The following GPR39 variants were observed in gnomAD, a reference collection of about 807,000 sequenced individuals.
The protein encoded by GPR39 is G protein-coupled receptor 39.
In GPR39, 23 loss-of-function variants were observed where a neutral mutation model predicts 18.4. The observed-to-expected ratio is 1.25, with a 90% CI of 0.90 to 1.77. The LOEUF (loss-of-function observed/expected upper bound fraction) is 1.77, where lower values mean the gene tolerates loss of function less well. Among genes scored for constraint, GPR39 ranks in the 40% most tolerant of loss-of-function variants. GPR39 has a pLI of 0.00. For missense variants in GPR39, 647 were observed against 602.4 expected, an observed-to-expected ratio of 1.07 and a Z score of -0.78; for synonymous variants, 280 against 257.9, an observed-to-expected ratio of 1.09 and a Z score of -0.82.
At chr2:132,471,544 G>C (rs1681031317) in intron 1 of GPR39, among the ~76,000 whole-genome samples, 1 of 152,086 alleles carries the variant, frequency 6.6e-6, no homozygotes, top group African/African-American at 2.4e-5. Context: ...TCCATCACTT[G>C]GTTCCTGGGT....
chr2:132,539,348 T>TTC (rs1322954574), intron 1 of GPR39, among the ~76,000 whole-genome samples: 17 of 152,122 alleles, frequency 1.1e-4, no homozygotes, highest in African/African-American at 4.1e-4. Flanking sequence ...CTCACCCTGC[T>TTC]TCTGCTTGCT....
chr2:132,530,438 A>G (rs1679593826), intron 1 of GPR39, among the ~76,000 whole-genome samples: 1 of 152,238 alleles, frequency 6.6e-6, no homozygotes, highest in South Asian at 2.1e-4. Context: ...TCTGCAGGTT[A>G]TTATCCAGGA....
chr2:132,644,605 C>G (rs1232401466), intron 1 of GPR39, among the ~76,000 whole-genome samples: 1 of 152,184 alleles, frequency 6.6e-6, no homozygotes, highest in Non-Finnish European at 1.5e-5. Flanking sequence ...AAATATGCTG[C>G]TTTGTTGCCA....
intron 1 of GPR39, among the ~76,000 whole-genome samples, chr2:132,492,086 CCA>C (rs1195561027): frequency 6.7e-6 from 1 of 149,376 alleles, no homozygotes; most frequent in African/African-American, 2.5e-5. Flanking sequence ...TATATACACA[CCA>C]CATATATATA....
chr2:132,526,998 T>G (rs1679526497), intron 1 of GPR39, among the ~76,000 whole-genome samples: 1 of 152,202 alleles, frequency 6.6e-6, no homozygotes, highest in African/African-American at 2.4e-5. Context: ...GTTTATTACC[T>G]AAGTATACAT....
intron 1 of GPR39, among the ~76,000 whole-genome samples, chr2:132,526,668 C>T (rs1679520482): frequency 6.6e-6 from 1 of 152,204 alleles, no homozygotes; most frequent in African/African-American, 2.4e-5. Flanking sequence ...CACCTGCATA[C>T]TCTGGACTTT....
chr2:132,550,522 T>C (rs1375340605), intron 1 of GPR39, among the ~76,000 whole-genome samples: 1 of 152,244 alleles, frequency 6.6e-6, no homozygotes, highest in Non-Finnish European at 1.5e-5. Context: ...CATATGGCTT[T>C]GTCCTTTCAA....
intron 1 of GPR39, among the ~76,000 whole-genome samples, chr2:132,619,935 A>G (rs1228026960): frequency 6.6e-6 from 1 of 151,802 alleles, no homozygotes; most frequent in Non-Finnish European, 1.5e-5. Context: ...AACCTGCCCT[A>G]GCTCTCTGAA....
At chr2:132,554,900 T>A (rs1382344528) in intron 1 of GPR39, among the ~76,000 whole-genome samples, 1 of 152,152 alleles carries the variant, frequency 6.6e-6, no homozygotes, top group South Asian at 2.1e-4. Context: ...TCATACGTGT[T>A]TGTACCGTTC....
At chr2:132,519,594 C>T (rs559542028) in intron 1 of GPR39, among the ~76,000 whole-genome samples, 118 of 152,252 alleles carry the variant, frequency 7.8e-4, no homozygotes, top group Non-Finnish European at 1.3e-3. Flanking sequence ...GTCTGGAGCT[C>T]GGGGTTCTCA....
chr2:132,536,635 G>C (rs1194991579), intron 1 of GPR39, among the ~76,000 whole-genome samples: 1 of 152,176 alleles, frequency 6.6e-6, no homozygotes, highest in African/African-American at 2.4e-5. Context: ...TTAATTTTCT[G>C]TTTTGTTGAT....
rs552991788 is a variant in GPR39, at chr2:132,638,367, T to G, written c.857-6734T>G. ...GGGGCTCCACCTCAATTTATGCTTC[T>G]CTTAGACCAGTGTTCTCCAACTTGT... On this transcript the variant is annotated intron_variant, in intron 1 of 1. Transcript: ENST00000329321. 1.1e-4 allele frequency among the ~76,000 whole-genome samples: 16 copies of G among 152,322 alleles called. No individual in the cohort carries two copies. The South Asian group carries it at 3.3e-3, about 32-fold the overall frequency.
chr2:132,587,595 G>C (rs75842525), intron 1 of GPR39, among the ~76,000 whole-genome samples: 1 of 151,992 alleles, frequency 6.6e-6, no homozygotes, highest in Non-Finnish European at 1.5e-5. Context: ...GCGGTAGTGC[G>C]ATCTCAGCTC....
chr2:132,535,310 C>CT (rs2104779915), intron 1 of GPR39, among the ~76,000 whole-genome samples: 1 of 152,286 alleles, frequency 6.6e-6, no homozygotes, highest in East Asian at 1.9e-4. Flanking sequence ...TTTTCTGCAT[C>CT]TGTTGGGATA....
chr2:132,620,728 GA>G (rs753100118), intron 1 of GPR39, among the ~76,000 whole-genome samples: 2 of 152,042 alleles, frequency 1.3e-5, no homozygotes, highest in Non-Finnish European at 2.9e-5. Context: ...ATTGAACTCA[GA>G]TCACAACCTT....
At position 132,645,651 on chromosome 2, in the gene GPR39, TAAGAA is replaced by T; in HGVS notation, c.*48_*52del. On this transcript the variant is annotated 3_prime_UTR_variant, in exon 2 of 2. Coordinates refer to ENST00000329321, the MANE Select transcript of GPR39 (RefSeq NM_001508.3). Reference sequence around the variant, plus strand: ...TGAGTGGGAACTGGCCCTCCAGCCCTAAGAAAACGTCACTCTCACTCTGCAGTCTC... The same window carrying T: ...TGAGTGGGAACTGGCCCTCCAGCCCTAACGTCACTCTCACTCTGCAGTCTC... The T allele has an allele frequency of 6.4e-7, 1 of 1,569,434 alleles. No individual in the cohort carries two copies.
chr2:132,614,609 G>A (rs1681299329), intron 1 of GPR39, among the ~76,000 whole-genome samples: 1 of 151,262 alleles, frequency 6.6e-6, no homozygotes, highest in Non-Finnish European at 1.5e-5. Context: ...GGAATGCAGT[G>A]GTGCTGTCTC....
At chr2:132,447,999 G>A (rs929566494) in intron 1 of GPR39, among the ~76,000 whole-genome samples, 9 of 152,192 alleles carry the variant, frequency 5.9e-5, no homozygotes, top group African/African-American at 2.2e-4. Context: ...TTGATTTAAG[G>A]CAGACCTAGA....
At chr2:132,492,336 T>TAC (rs1346096098) in intron 1 of GPR39, among the ~76,000 whole-genome samples, 1 of 132,852 alleles carries the variant, frequency 7.5e-6, no homozygotes, top group African/African-American at 3.4e-5. Context: ...ACCATATATA[T>TAC]ACCATATATA....
Sources: allele counts gnomAD v4.1 joint callset (sites outside exome capture counted in the v4.1 genomes callset), GRCh38; gene constraint gnomAD v4.1.1; transcripts MANE v1.5; gene names NCBI Gene and HGNC (gene_info 2026-07-23, HGNC 2026-07-21).